Variants in COQ5 observed in about 807,000 individuals in gnomAD.
The protein encoded by COQ5 is 2-methoxy-6-polyprenyl-1,4-benzoquinol methylase, mitochondrial.
In COQ5, 27 loss-of-function variants were observed where a neutral mutation model predicts 40.5. That is an observed-to-expected ratio of 0.67 (90% CI 0.49 to 0.92). COQ5 has a LOEUF of 0.92. COQ5 is among the 40% of genes least tolerant of loss of function. COQ5 has a pLI of 0.00. For missense variants in COQ5, 409 were observed against 406.4 expected, an observed-to-expected ratio of 1.01 and a Z score of -0.06; for synonymous variants, 141 against 150.0, an observed-to-expected ratio of 0.94 and a Z score of 0.44.
At position 120,529,137 on chromosome 12, in the gene COQ5, G is replaced by A. The variant is rs754079527; in HGVS notation, c.5C>T (p.Ala2Val). 2.6e-5 allele frequency: 42 copies of A among 1,612,468 alleles called. No individual in the cohort carries two copies. Among genetic ancestry groups the A allele is most frequent in the Middle Eastern group, 1.7e-4 (1 of 5,994 alleles). Residue 2 changes from alanine to valine, a missense_variant, in exon 1 of 7, where the codon GCG becomes GTG. Ala to Val is a moderately conservative substitution (Grantham distance 64). Transcript: ENST00000288532. M[A>V]APGSCALWSY... Reference sequence around the variant, plus strand: ...CCATAGAGCACAGCTCCCGGGGGCCGCCATCTTGGTAGTCGAGTGACAACG... The same window carrying A: ...CCATAGAGCACAGCTCCCGGGGGCCACCATCTTGGTAGTCGAGTGACAACG...
chr12:120,527,538 C>T (rs1410320921), intron 1 of COQ5, among the ~76,000 whole-genome samples: 3 of 152,118 alleles, frequency 2.0e-5, no homozygotes, highest in Non-Finnish European at 4.4e-5. Flanking sequence ...TGCACATTTT[C>T]ACAGTCTTGC....
rs1182883597 is a variant in COQ5, at chr12:120,503,591, C to G, written c.*193G>C. On this transcript the variant is annotated 3_prime_UTR_variant, in exon 7 of 7. Transcript: ENST00000288532. ...AATGCCTCTGGGAGATGGACTGAAG[C>G]AGCTCCAAAGAAAGCTGTAAAAAAG... 1.5e-6 allele frequency: 1 copy of G among 684,002 alleles called. No individual in the cohort carries two copies. The highest frequency in any genetic ancestry group is 1.8e-5 in the African/African-American group (1 of 57,028). The allele number at this position is 684,002 out of a possible 1,614,324, so 42.4% of individuals were successfully genotyped here.
intron 1 of COQ5, chr12:120,526,639 T>C (rs1165009190): frequency 1.8e-5 from 5 of 270,478 alleles, no homozygotes; most frequent in East Asian, 2.1e-4. Context: ...TGCCAAGGCA[T>C]AGAAAAGATA....
intron 1 of COQ5, among the ~76,000 whole-genome samples, chr12:120,526,703 T>A (rs1869964345): frequency 2.2e-5 from 1 of 45,206 alleles, no homozygotes. Flanking sequence ...TGGCAATTTT[T>A]TTTTTTTTTT....
intron 1 of COQ5, chr12:120,526,447 A>G: frequency 2.2e-6 from 1 of 455,686 alleles, no homozygotes. Flanking sequence ...CTGCAGGAAG[A>G]TGAACTTACC....
At chr12:120,509,832 T>TTA (rs200578234) in intron 4 of COQ5, 185 bp downstream of exon 4, 11,284 of 616,894 alleles carry the variant, frequency 0.018, 294 homozygotes, top group South Asian at 0.065. Context: ...GTTCCTGTAA[T>TTA]CCCAGCTACT....
intron 1 of COQ5, among the ~76,000 whole-genome samples, chr12:120,526,203 A>G (rs1869934439): frequency 6.6e-6 from 1 of 152,370 alleles, no homozygotes; most frequent in Non-Finnish European, 1.5e-5. Flanking sequence ...TCAGTTACTC[A>G]GTTCACAGAC....
intron 4 of COQ5, among the ~76,000 whole-genome samples, chr12:120,507,626 G>A (rs1200687457): frequency 6.2e-5 from 9 of 146,266 alleles, no homozygotes; most frequent in Non-Finnish European, 1.2e-4. Flanking sequence ...AGTGGCTCAC[G>A]CCTGTAATCC....
chr12:120,521,989 T>C (rs1565933211), intron 2 of COQ5, among the ~76,000 whole-genome samples: 2 of 151,326 alleles, frequency 1.3e-5, no homozygotes, highest in Non-Finnish European at 2.9e-5. Flanking sequence ...AGAGTGAGAC[T>C]CCTATCTCAA....
chr12:120,528,645 T>A (rs972865041), intron 1 of COQ5, among the ~76,000 whole-genome samples: 2 of 151,548 alleles, frequency 1.3e-5, no homozygotes, highest in African/African-American at 4.9e-5. Context: ...CTAGTAAGAA[T>A]ACAAAAAAGT....
intron 2 of COQ5, among the ~76,000 whole-genome samples, chr12:120,518,800 T>C (rs942523280): frequency 6.6e-6 from 1 of 151,972 alleles, no homozygotes; most frequent in Non-Finnish European, 1.5e-5. Context: ...CCTGACCTCG[T>C]GATCCACACG....
chr12:120,515,613 G>A (rs1325544964), intron 3 of COQ5, among the ~76,000 whole-genome samples: 1 of 152,156 alleles, frequency 6.6e-6, no homozygotes, highest in Non-Finnish European at 1.5e-5. Flanking sequence ...GTGTGTGGCA[G>A]GGGAAACACA....
At chr12:120,514,679 G>C (rs1167226182) in intron 3 of COQ5, among the ~76,000 whole-genome samples, 5 of 151,820 alleles carry the variant, frequency 3.3e-5, no homozygotes, top group Non-Finnish European at 7.4e-5. Context: ...GGAGGCAGAG[G>C]TTGTAGTGAC....
At chr12:120,521,063 C>T (rs1030292559) in intron 2 of COQ5, among the ~76,000 whole-genome samples, 1 of 139,254 alleles carries the variant, frequency 7.2e-6, no homozygotes, top group African/African-American at 2.8e-5. Flanking sequence ...TGTAATCCTG[C>T]GTTTTTTTTT....
At chr12:120,511,768 C>A (rs1394771702) in intron 3 of COQ5, among the ~76,000 whole-genome samples, 4 of 152,104 alleles carry the variant, frequency 2.6e-5, no homozygotes, top group Admixed American at 6.6e-5. Flanking sequence ...TAAGGTTATA[C>A]AGTCAGTAAA....
intron 2 of COQ5, among the ~76,000 whole-genome samples, 194 bp downstream of exon 2, chr12:120,522,020 C>T (rs1178440552): frequency 6.6e-6 from 1 of 151,882 alleles, no homozygotes; most frequent in Non-Finnish European, 1.5e-5. Context: ...GTGACAGGCA[C>T]AAAACTGTTA....
chr12:120,504,851 CCTTG>C, intron 5 of COQ5, 40 bp downstream of exon 5: 1 of 1,526,836 alleles, frequency 6.5e-7, no homozygotes, highest in Admixed American at 1.7e-5. Context: ...GGGTGGGAAA[CCTTG>C]GCTATACAAT....
At chr12:120,509,622 A>C (rs1385791864) in intron 4 of COQ5, among the ~76,000 whole-genome samples, 1 of 152,174 alleles carries the variant, frequency 6.6e-6, no homozygotes, top group Non-Finnish European at 1.5e-5. Context: ...TTCTATGGAG[A>C]TCAGCTCTGT....
chr12:120,526,698 ATTTTTTTTTTTTTTT>A (rs61584250), intron 1 of COQ5, among the ~76,000 whole-genome samples: 63 of 64,152 alleles, frequency 9.8e-4, no homozygotes, highest in Middle Eastern at 0.016. Flanking sequence ...ACTCTTGGCA[ATTTTTTTTTTTTTTT>A]TTTTTTTTTT....
Sources: gnomAD v4.1 joint callset for allele counts (sites outside exome capture counted in the v4.1 genomes callset) on GRCh38, gnomAD v4.1.1 for gene constraint, MANE v1.5 for transcripts, NCBI Gene and HGNC (gene_info 2026-07-23, HGNC 2026-07-21) for gene names.